USH2A: variants seen among roughly 807,000 people sequenced by gnomAD.
USH2A encodes the protein Usher syndrome 2A (autosomal recessive, mild).
USH2A carries 443 observed loss-of-function variants against 538.9 expected under a neutral mutation model. That is an observed-to-expected ratio of 0.82 (90% CI 0.76 to 0.89). The LOEUF is 0.89. Among genes scored for constraint, USH2A ranks in the 40% least tolerant of loss-of-function variants. The probability of loss-of-function intolerance (pLI) is 0.00; values close to 1 mark genes in which losing one functional copy is unlikely to be tolerated. For synonymous variants in USH2A, 2,413 were observed against 2,273.5 expected (o/e 1.06, Z -1.75); for missense variants, 6,633 against 6,324.8 (o/e 1.05, Z -1.65).
At chr1:215,772,287 C>G (rs1335208877) in intron 55 of USH2A, among the ~76,000 whole-genome samples, 2 of 151,946 alleles carry the variant, frequency 1.3e-5, no homozygotes, top group African/African-American at 4.8e-5. Flanking sequence ...ATCCTGAAGT[C>G]GAAGAGTAGA....
rs1156401987 is a variant in USH2A, at chr1:216,047,697, AAG to A, written c.6163+835_6163+836del. On this transcript the variant is annotated intron_variant, in intron 31 of 71. Transcript: ENST00000307340. ...AGGGGGGAATATATAGATACTGGGA[AAG>A]AGAGAGAGAGAAAGACTGGCTGACT... 3.9e-5 allele frequency among the ~76,000 whole-genome samples: 6 copies of A among 151,992 alleles called. No homozygotes were observed. In the South Asian group the frequency reaches 8.3e-4, roughly 21 times the overall value.
intron 26 of USH2A, among the ~76,000 whole-genome samples, chr1:216,082,447 G>A (rs112368060): frequency 0.025 from 3,621 of 146,924 alleles, 153 homozygotes; most frequent in African/African-American, 0.085. Flanking sequence ...TTGGCATTGT[G>A]TATGCTAGGA....
At chr1:216,269,419 G>A (rs1035620707) in intron 11 of USH2A, among the ~76,000 whole-genome samples, 1 of 152,042 alleles carries the variant, frequency 6.6e-6, no homozygotes, top group African/African-American at 2.4e-5. Context: ...TGTAAGTCCT[G>A]TATAAATTTT....
At chr1:216,362,863 C>T (rs1195740522) in intron 4 of USH2A, among the ~76,000 whole-genome samples, 1 of 151,250 alleles carries the variant, frequency 6.6e-6, no homozygotes, top group Non-Finnish European at 1.5e-5. Flanking sequence ...CACTTGAACC[C>T]AGGAGACAGA....
chr1:215,829,020 C>G (rs1296696172), intron 47 of USH2A, among the ~76,000 whole-genome samples: 1 of 152,118 alleles, frequency 6.6e-6, no homozygotes, highest in Non-Finnish European at 1.5e-5. Context: ...TTAAATTCCA[C>G]TCTAGCAAAT....
chr1:216,082,021 A>G (rs2031965387), intron 26 of USH2A, among the ~76,000 whole-genome samples: 1 of 151,920 alleles, frequency 6.6e-6, no homozygotes, highest in South Asian at 2.1e-4. Context: ...GGGCATATAG[A>G]CCTCCAGCTC....
intron 13 of USH2A, among the ~76,000 whole-genome samples, chr1:216,241,637 C>T (rs569699307): frequency 5.3e-5 from 8 of 152,084 alleles, no homozygotes; most frequent in Non-Finnish European, 8.8e-5. Context: ...CAGGTTCAAG[C>T]GATTCTCCTG....
rs758450927 is a variant in USH2A, at chr1:215,879,094, G to A, written c.8228C>T (p.Thr2743Ile). The change falls in exon 42 of 72, where the codon ACT (threonine) becomes ATT (isoleucine). Residue 2743 changes from threonine to isoleucine, a missense_variant. Coordinates refer to ENST00000307340, the MANE Select transcript of USH2A (RefSeq NM_206933.4). Reference sequence around the variant, plus strand: ...GTTCTGGATGAGTGGGGGTTTCCAAGTGACCTGAAATGAAAGATAAACTTA... The same window carrying A: ...GTTCTGGATGAGTGGGGGTTTCCAAATGACCTGAAATGAAAGATAAACTTA... ...TVLEPDAVQV[T>I]WKPPLIQNGD... 34 of 1,613,082 alleles carry A rather than the reference G, an allele frequency of 2.1e-5. No individual in the cohort carries two copies. The highest frequency in any genetic ancestry group is 2.8e-5 in the Non-Finnish European group (33 of 1,179,346).
Position 216,247,038 on chromosome 1 carries a change from C to A in USH2A, c.2356G>T (p.Gly786Trp). The A allele has an allele frequency of 6.2e-7, 1 of 1,614,020 alleles. No individual in the cohort carries two copies. The highest frequency in any genetic ancestry group is 8.5e-7 in the Non-Finnish European group (1 of 1,179,960). ...QCDTCRENFYGLDVTNCKACD... is the reference protein window; with the variant it reads ...QCDTCRENFYWLDVTNCKACD... Reference sequence around the variant, plus strand: ...GCCTTACAATTGGTGACATCTAACCCATAAAAGTTTTCTCTGCAGGTGTCA... The same window carrying A: ...GCCTTACAATTGGTGACATCTAACCAATAAAAGTTTTCTCTGCAGGTGTCA... Residue 786 changes from glycine to tryptophan, a missense_variant, in exon 13 of 72, where the codon GGG becomes TGG. Gly to Trp is a radical substitution (Grantham distance 184). Transcript: ENST00000307340.
chr1:216,047,827 G>GTAACAA (rs2030589060), intron 31 of USH2A, among the ~76,000 whole-genome samples: 1 of 152,276 alleles, frequency 6.6e-6, no homozygotes, highest in East Asian at 1.9e-4. Flanking sequence ...GAAATATGAA[G>GTAACAA]TAACAATGCT....
intron 61 of USH2A, among the ~76,000 whole-genome samples, chr1:215,709,775 A>C (rs1352721847): frequency 6.6e-6 from 1 of 152,126 alleles, no homozygotes; most frequent in East Asian, 1.9e-4. Flanking sequence ...GTAGTTGGAG[A>C]CAAAAGCCCT....
At chr1:215,890,410 A>G (rs1461652751) in intron 40 of USH2A, among the ~76,000 whole-genome samples, 1 of 152,146 alleles carries the variant, frequency 6.6e-6, no homozygotes, top group Non-Finnish European at 1.5e-5. Flanking sequence ...ATATGAGTAC[A>G]CTTTCACACA....
At chr1:215,965,206 A>G (rs1667308065) in intron 37 of USH2A, 111 bp downstream of exon 37, 7 of 1,257,942 alleles carry the variant, frequency 5.6e-6, no homozygotes, top group Middle Eastern at 2.7e-4. Flanking sequence ...AGGAAAATAA[A>G]GAAACCAACA....
At chr1:216,139,109 A>G (rs1381220438) in intron 21 of USH2A, among the ~76,000 whole-genome samples, 1 of 151,646 alleles carries the variant, frequency 6.6e-6, no homozygotes, top group African/African-American at 2.4e-5. Context: ...TGATTATTCT[A>G]CTCTTCTTTA....
At chr1:215,754,267 G>C (rs1558083515) in intron 58 of USH2A, among the ~76,000 whole-genome samples, 1 of 152,100 alleles carries the variant, frequency 6.6e-6, no homozygotes, top group East Asian at 1.9e-4. Context: ...CACGACATTT[G>C]TTATCAGTAT....
Position 215,900,827 on chromosome 1 carries a change from C to A in USH2A, c.7379G>T (p.Arg2460Leu), listed in dbSNP as rs368681648. ...SLQVVWSTPA[R>L]NNAPGSPRYQ... ...TCTGGGAGAGCCAGGAGCGTTATTA[C>A]GAGCTGGTGTAGACCAGACAACCTG... The change falls in exon 39 of 72, where the codon CGT (arginine) becomes CTT (leucine). Residue 2460 changes from arginine (R) to leucine (L), a missense_variant. Arg to Leu is a moderately radical substitution (Grantham distance 102). Transcript: ENST00000307340. 1 of 1,613,692 alleles carries A rather than the reference C, an allele frequency of 6.2e-7. No homozygotes were observed. The highest frequency in any genetic ancestry group is 2.2e-5 in the East Asian group (1 of 44,880).
chr1:216,157,733 A>T (rs1379809998), intron 21 of USH2A, among the ~76,000 whole-genome samples: 1 of 152,186 alleles, frequency 6.6e-6, no homozygotes, highest in African/African-American at 2.4e-5. Context: ...CAAATACTAC[A>T]TATTCATTTA....
At chr1:215,659,167 A>G (rs1657360846) in intron 64 of USH2A, among the ~76,000 whole-genome samples, 1 of 152,244 alleles carries the variant, frequency 6.6e-6, no homozygotes, top group African/African-American at 2.4e-5. Context: ...GGTGATATAC[A>G]TAAGGTGATA....
intron 38 of USH2A, among the ~76,000 whole-genome samples, chr1:215,910,066 T>C (rs1379183224): frequency 6.6e-6 from 1 of 151,994 alleles, no homozygotes; most frequent in Non-Finnish European, 1.5e-5. Flanking sequence ...ACCAAAAGAC[T>C]ATGATTGAAA....
Sources: allele counts gnomAD v4.1 joint callset (sites outside exome capture counted in the v4.1 genomes callset), GRCh38; gene constraint gnomAD v4.1.1; transcripts MANE v1.5; gene names NCBI Gene and HGNC (gene_info 2026-07-23, HGNC 2026-07-21).